The following SNX25 variants were observed in gnomAD, a reference collection of about 807,000 sequenced individuals.
The protein encoded by SNX25 is sorting nexin 25.
A neutral mutation model predicts 113.7 loss-of-function variants in SNX25; 62 were observed. The ratio of observed to expected loss-of-function variants is 0.55; its 90% confidence interval spans 0.44 to 0.67. The LOEUF (loss-of-function observed/expected upper bound fraction) is 0.67, where lower values mean the gene tolerates loss of function less well. Ranked by LOEUF, SNX25 falls within the 30% of genes least tolerant of loss-of-function variation. The pLI is 0.00. For missense variants in SNX25, 1,014 were observed against 1,161.0 expected (o/e 0.87, Z 1.84); for synonymous variants, 421 against 436.2 (o/e 0.97, Z 0.43).
Position 185,320,817 on chromosome 4 carries a change from C to T in SNX25, c.1429C>T (p.Leu477=), listed in dbSNP as rs775645401. Residue 477 remains leucine, a synonymous_variant, in exon 8 of 19, where the codon CTG becomes TTG. Coordinates refer to ENST00000652585, the MANE Select transcript of SNX25 (RefSeq NM_001378034.2). ...CATGGAAAGGATGGACAAAAGAGCT[C>T]TGATTAGTTTTTGGGAATCTGTGGA... ...MYMERMDKRA[L]ISFWESVEHL... is the part of the protein sequence containing the mutation. The T allele has an allele frequency of 3.2e-5, 52 of 1,605,678 alleles. No homozygotes were observed. In the South Asian group the frequency reaches 5.4e-4, roughly 17 times the overall value.
intron 9 of SNX25, among the ~76,000 whole-genome samples, chr4:185,330,190 G>C (rs2095184192): frequency 6.6e-6 from 1 of 152,154 alleles, no homozygotes; most frequent in Non-Finnish European, 1.5e-5. Flanking sequence ...TCACAGGCTT[G>C]GAATGTTTCT....
intron 9 of SNX25, among the ~76,000 whole-genome samples, chr4:185,326,334 C>G (rs537456639): frequency 1.9e-4 from 29 of 152,278 alleles, no homozygotes; most frequent in African/African-American, 7.0e-4. Flanking sequence ...CATGTTTCCT[C>G]TATTCTGATG....
intron 3 of SNX25, among the ~76,000 whole-genome samples, chr4:185,263,023 TC>T (rs1430721430): frequency 6.6e-6 from 1 of 152,216 alleles, no homozygotes; most frequent in Non-Finnish European, 1.5e-5. Context: ...CATTCCTTCT[TC>T]CATAGATCAA....
chr4:185,289,156 G>A (rs1182525888), intron 6 of SNX25, among the ~76,000 whole-genome samples: 1 of 152,206 alleles, frequency 6.6e-6, no homozygotes, highest in Non-Finnish European at 1.5e-5. Flanking sequence ...GTGCAAATAT[G>A]TCCATTCAGC....
intron 6 of SNX25, among the ~76,000 whole-genome samples, chr4:185,293,727 G>C (rs376571650): frequency 1.3e-5 from 2 of 151,664 alleles, no homozygotes; most frequent in South Asian, 2.1e-4. Flanking sequence ...AATTTTTTCT[G>C]TTTTTATTTA....
At chr4:185,243,858 A>G (rs970597619) in intron 1 of SNX25, among the ~76,000 whole-genome samples, 1 of 152,208 alleles carries the variant, frequency 6.6e-6, no homozygotes, top group African/African-American at 2.4e-5. Flanking sequence ...AAGAATAAAA[A>G]ATTAAAAGTT....
intron 10 of SNX25, among the ~76,000 whole-genome samples, chr4:185,337,330 G>A (rs556524338): frequency 3.9e-4 from 60 of 152,168 alleles, no homozygotes; most frequent in Non-Finnish European, 3.7e-4. Context: ...GATGTTAGTG[G>A]AATCACACAA....
intron 8 of SNX25, among the ~76,000 whole-genome samples, chr4:185,322,769 G>C (rs1355062606): frequency 6.6e-6 from 1 of 152,204 alleles, no homozygotes. Context: ...TATTTCAATG[G>C]AGTAAGAGCA....
intron 2 of SNX25, among the ~76,000 whole-genome samples, chr4:185,248,305 T>G (rs1044499654): frequency 1.3e-5 from 2 of 152,218 alleles, no homozygotes; most frequent in African/African-American, 4.8e-5. Context: ...GTATGACTTA[T>G]AAAACTTACT....
chr4:185,374,914 T>C (rs2095428090), downstream of SNX25, among the ~76,000 whole-genome samples: 1 of 152,118 alleles, frequency 6.6e-6, no homozygotes, highest in South Asian at 2.1e-4. Flanking sequence ...AGCATACTTT[T>C]ACTGTGTGCT....
chr4:185,308,567 A>G (rs1368281870), intron 6 of SNX25, among the ~76,000 whole-genome samples: 1 of 152,190 alleles, frequency 6.6e-6, no homozygotes, highest in African/African-American at 2.4e-5. Flanking sequence ...ACAATACCTG[A>G]TACATATTAG....
At chr4:185,269,369 A>G (rs1429436047) in intron 5 of SNX25, among the ~76,000 whole-genome samples, 2 of 152,218 alleles carry the variant, frequency 1.3e-5, no homozygotes, top group Non-Finnish European at 2.9e-5. Flanking sequence ...TTTGCTGTGC[A>G]TGGTGTGACA....
At chr4:185,247,181 G>T in intron 1 of SNX25, 113 bp from the exon 2 acceptor site, 1 of 681,526 alleles carries the variant, frequency 1.5e-6, no homozygotes, top group Non-Finnish European at 2.5e-6. Flanking sequence ...TCTGTTATTC[G>T]TTAAGCCTTA....
chr4:185,322,508 C>T (rs1390741970), intron 8 of SNX25, among the ~76,000 whole-genome samples: 2 of 152,344 alleles, frequency 1.3e-5, no homozygotes, highest in East Asian at 3.9e-4. Context: ...CCAGAATAGA[C>T]TGCCAAATAT....
intron 4 of SNX25, among the ~76,000 whole-genome samples, chr4:185,266,600 G>C (rs547653409): frequency 6.6e-5 from 10 of 152,246 alleles, no homozygotes; most frequent in African/African-American, 2.4e-4. Flanking sequence ...GACCTCAAGT[G>C]ATCCACCTGT....
chr4:185,356,440 C>T (rs909517705), intron 15 of SNX25, among the ~76,000 whole-genome samples: 1 of 152,152 alleles, frequency 6.6e-6, no homozygotes, highest in African/African-American at 2.4e-5. Flanking sequence ...ACATGCTCAT[C>T]CCAGCCTCAA....
chr4:185,280,473 C>T (rs1396647866), intron 5 of SNX25, among the ~76,000 whole-genome samples: 2 of 152,152 alleles, frequency 1.3e-5, no homozygotes, highest in Non-Finnish European at 2.9e-5. Context: ...TAAAGATAGT[C>T]CAAATGTTAA....
At chr4:185,308,061 C>T (rs541481176) in intron 6 of SNX25, among the ~76,000 whole-genome samples, 19 of 152,310 alleles carry the variant, frequency 1.2e-4, no homozygotes, top group African/African-American at 4.6e-4. Flanking sequence ...GCCGGGCCCA[C>T]ACCTCTCTTT....
At chr4:185,254,930 C>CT (rs574990907) in intron 2 of SNX25, among the ~76,000 whole-genome samples, 34 of 148,358 alleles carry the variant, frequency 2.3e-4, no homozygotes, top group Middle Eastern at 3.5e-3. Flanking sequence ...CTGTATATTT[C>CT]TTTTTTTTTT....
Sources: gnomAD v4.1 joint callset for allele counts (sites outside exome capture counted in the v4.1 genomes callset) on GRCh38, gnomAD v4.1.1 for gene constraint, MANE v1.5 for transcripts, NCBI Gene and HGNC (gene_info 2026-07-23, HGNC 2026-07-21) for gene names.